Variants in NIPAL2 observed in about 807,000 individuals in gnomAD.
NIPAL2 encodes the protein NIPA-like protein 2.
A neutral mutation model predicts 48.9 loss-of-function variants in NIPAL2; 43 were observed. The observed-to-expected ratio is 0.88, with a 90% CI of 0.69 to 1.13. NIPAL2 has a LOEUF of 1.13. Ranked by LOEUF, NIPAL2 falls within the 50% of genes most tolerant of loss-of-function variation. The probability of loss-of-function intolerance (pLI) is 0.00; values close to 1 mark genes in which losing one functional copy is unlikely to be tolerated. For synonymous variants in NIPAL2, 167 were observed against 174.6 expected (o/e 0.96, Z 0.34); for missense variants, 446 against 461.4 (o/e 0.97, Z 0.31).
At chr8:98,286,635 C>T (rs1037425351) in intron 1 of NIPAL2, among the ~76,000 whole-genome samples, 1 of 151,786 alleles carries the variant, frequency 6.6e-6, no homozygotes, top group African/African-American at 2.4e-5. Context: ...ATGGTGAAAC[C>T]CTGTCTCTAC....
chr8:98,219,897 T>A (rs1021597029), intron 5 of NIPAL2, among the ~76,000 whole-genome samples: 6 of 151,992 alleles, frequency 3.9e-5, no homozygotes, highest in African/African-American at 9.7e-5. Context: ...CACAGCCCCA[T>A]CCACAGATTG....
intron 4 of NIPAL2, among the ~76,000 whole-genome samples, chr8:98,235,672 C>T (rs1003769033): frequency 6.6e-6 from 1 of 151,270 alleles, no homozygotes; most frequent in Non-Finnish European, 1.5e-5. Context: ...ATAAAATATA[C>T]AAATGCTCAA....
intron 1 of NIPAL2, among the ~76,000 whole-genome samples, chr8:98,262,480 T>C (rs1447156713): frequency 1.3e-5 from 2 of 152,026 alleles, no homozygotes; most frequent in Admixed American, 6.6e-5. Flanking sequence ...GGTGCAATCC[T>C]AGTCTCTGAT....
intron 1 of NIPAL2, among the ~76,000 whole-genome samples, chr8:98,269,493 T>A (rs779393605): frequency 6.6e-6 from 1 of 152,212 alleles, no homozygotes; most frequent in Non-Finnish European, 1.5e-5. Context: ...TGAGCAGTAA[T>A]ATTTTCAGAG....
intron 1 of NIPAL2, among the ~76,000 whole-genome samples, chr8:98,255,646 TAATAGAGGC>T (rs1813848637): frequency 6.6e-6 from 1 of 152,248 alleles, no homozygotes; most frequent in Admixed American, 6.5e-5. Flanking sequence ...TTTCTTTTCC[TAATAGAGGC>T]ACTTGGTAAT....
At chr8:98,218,143 C>G (rs1320245026) in intron 5 of NIPAL2, among the ~76,000 whole-genome samples, 1 of 152,132 alleles carries the variant, frequency 6.6e-6, no homozygotes, top group African/African-American at 2.4e-5. Flanking sequence ...GGAAGTAAGT[C>G]TTGATGCATC....
chr8:98,245,276 C>T (rs1467903936), intron 3 of NIPAL2, among the ~76,000 whole-genome samples: 1 of 152,176 alleles, frequency 6.6e-6, no homozygotes, highest in African/African-American at 2.4e-5. Flanking sequence ...TGAGGTACTA[C>T]TACATAATTA....
In NIPAL2 at chr8:98,294,202, C is replaced by T. The variant is rs1390054678; in HGVS notation, c.-65G>A. The T allele has an allele frequency of 1.6e-6, 2 of 1,224,626 alleles. No homozygotes were observed. The highest frequency in any genetic ancestry group is 2.0e-6 in the Non-Finnish European group (2 of 982,482). 75.9% of individuals were successfully genotyped at this position (1,224,626 alleles called of 1,614,324 possible). A position where few individuals can be genotyped will look rare whatever the true frequency, so the allele number is the denominator to read the frequency against. ...CGGCCGCCTCCCCGCCCTGTTGCAC[C>T]GCGAGGAGGCCGCGCCGCAGCCACT... On this transcript the variant is annotated 5_prime_UTR_variant, in exon 1 of 11. Coordinates refer to ENST00000430223, the MANE Select transcript of NIPAL2 (RefSeq NM_001321635.2).
At chr8:98,240,985 TCTC>T (rs1812952790) in intron 3 of NIPAL2, among the ~76,000 whole-genome samples, 1 of 152,162 alleles carries the variant, frequency 6.6e-6, no homozygotes, top group Non-Finnish European at 1.5e-5. Flanking sequence ...TTCTAATTAT[TCTC>T]CTTGCTTGAA....
intron 6 of NIPAL2, among the ~76,000 whole-genome samples, chr8:98,209,435 C>A (rs1319680370): frequency 7.8e-6 from 1 of 128,570 alleles, no homozygotes; most frequent in Non-Finnish European, 1.6e-5. Flanking sequence ...ATGGGGATAC[C>A]CTGTCTCTCC....
intron 1 of NIPAL2, among the ~76,000 whole-genome samples, chr8:98,266,475 A>C (rs1250106440): frequency 6.7e-6 from 1 of 148,580 alleles, no homozygotes; most frequent in African/African-American, 2.5e-5. Flanking sequence ...AGCAGCGTGC[A>C]CCTGCAATCC....
chr8:98,223,976 A>C (rs1812027681), intron 4 of NIPAL2, among the ~76,000 whole-genome samples: 1 of 152,208 alleles, frequency 6.6e-6, no homozygotes, highest in South Asian at 2.1e-4. Flanking sequence ...AGATTCAAAA[A>C]AACTGTTTTC....
chr8:98,209,717 A>G (rs1251253046), intron 6 of NIPAL2, among the ~76,000 whole-genome samples: 1 of 151,666 alleles, frequency 6.6e-6, no homozygotes, highest in Non-Finnish European at 1.5e-5. Context: ...TAGCAGTGAT[A>G]TTAGTTCATA....
chr8:98,266,748 T>C (rs1319386379), intron 1 of NIPAL2, among the ~76,000 whole-genome samples: 1 of 151,860 alleles, frequency 6.6e-6, no homozygotes. Context: ...CAATTTTATT[T>C]TGAAATGAAA....
At chr8:98,254,457 A>C (rs149199930) in intron 1 of NIPAL2, among the ~76,000 whole-genome samples, 378 of 152,296 alleles carry the variant, frequency 2.5e-3, no homozygotes, top group African/African-American at 8.8e-3. Flanking sequence ...TGAAAGAAAG[A>C]TCATCGGACT....
intron 4 of NIPAL2, among the ~76,000 whole-genome samples, chr8:98,225,998 G>C (rs1812155561): frequency 6.6e-6 from 1 of 151,872 alleles, no homozygotes; most frequent in Non-Finnish European, 1.5e-5. Context: ...GCTGTTAAGA[G>C]ACTCTGATGC....
chr8:98,241,271 A>T (rs184840640), intron 3 of NIPAL2, among the ~76,000 whole-genome samples: 1 of 152,354 alleles, frequency 6.6e-6, no homozygotes, highest in African/African-American at 2.4e-5. Context: ...CAGGAACACA[A>T]GTAATTCACA....
chr8:98,288,703 T>C (rs977511869), intron 1 of NIPAL2, among the ~76,000 whole-genome samples: 1 of 152,034 alleles, frequency 6.6e-6, no homozygotes, highest in African/African-American at 2.4e-5. Context: ...CCAGCACCTG[T>C]TGTTTCCTGA....
intron 5 of NIPAL2, among the ~76,000 whole-genome samples, chr8:98,213,688 A>C (rs760288071): frequency 4.6e-5 from 7 of 152,028 alleles, no homozygotes; most frequent in Admixed American, 1.3e-4. Flanking sequence ...CTCTGCCTGG[A>C]ATGCTCTTTC....
Sources: gnomAD v4.1 joint callset for allele counts (sites outside exome capture counted in the v4.1 genomes callset) on GRCh38, gnomAD v4.1.1 for gene constraint, MANE v1.5 for transcripts, NCBI Gene and HGNC (gene_info 2026-07-23, HGNC 2026-07-21) for gene names.